MST1: variants seen among roughly 807,000 people sequenced by gnomAD.
MST1 encodes the protein macrophage stimulating 1.
A neutral mutation model predicts 100.1 loss-of-function variants in MST1; 76 were observed. The ratio of observed to expected loss-of-function variants is 0.76; its 90% CI spans 0.63 to 0.92. The LOEUF (loss-of-function observed/expected upper bound fraction) is 0.92, where lower values mean the gene tolerates loss of function less well. Among genes scored for constraint, MST1 ranks in the 40% least tolerant of loss-of-function variants. The pLI, the probability that MST1 is intolerant of heterozygous loss-of-function variation, is 0.00. For missense variants in MST1, 850 were observed against 990.0 expected, an observed-to-expected ratio of 0.86 and a Z score of 1.90; for synonymous variants, 352 against 385.4, an observed-to-expected ratio of 0.91 and a Z score of 1.01.
intron 7 of MST1, 75 bp from the exon 8 acceptor site, chr3:49,686,556 T>A: frequency 6.3e-7 from 1 of 1,583,362 alleles, no homozygotes; most frequent in Non-Finnish European, 8.6e-7. Flanking sequence ...AACCCGCCTT[T>A]CCCAGGTGTA....
At position 49,685,971 on chromosome 3, in the gene MST1, G is replaced by A; in HGVS notation, c.1148-9C>T. 1.2e-6 allele frequency: 2 copies of A among 1,605,974 alleles called. No individual in the cohort carries two copies. The highest frequency in any genetic ancestry group is 2.1e-4 in the Middle Eastern group (1 of 4,748). On this transcript the variant is annotated splice_polypyrimidine_tract_variant and intron_variant, in intron 9 of 17. Coordinates refer to ENST00000449682, the MANE Select transcript of MST1 (RefSeq NM_020998.4). The stretch of plus-strand genomic sequence containing the variant: ...TGCGCCGTGGTAGCAGTCTGTGGCG[G>A]GTGCGGGCAGCCATCAGGCCGAGAC...
At position 49,684,470 on chromosome 3, in the gene MST1, G is replaced by A. The variant is rs776285969; in HGVS notation, c.1877-17C>T. On this transcript the variant is annotated splice_polypyrimidine_tract_variant and intron_variant, in intron 16 of 17. Coordinates refer to ENST00000449682, the MANE Select transcript of MST1 (RefSeq NM_020998.4). ...TACCCGTACCTGCAGTGAGGGGAATGGGGAGAGGGAGAGGGTCCTGCAGGA... is the reference window on the plus strand; with the variant it reads ...TACCCGTACCTGCAGTGAGGGGAATAGGGAGAGGGAGAGGGTCCTGCAGGA... 3.1e-6 allele frequency: 5 copies of A among 1,613,524 alleles called. No individual in the cohort carries two copies. The African/African-American group carries it at 4.0e-5, about 13-fold the overall frequency.
intron 4 of MST1, 23 bp downstream of exon 4, chr3:49,687,341 C>T (rs372846960): frequency 3.9e-5 from 63 of 1,613,288 alleles, no homozygotes; most frequent in Non-Finnish European, 4.7e-5. Flanking sequence ...CAGGCCGGGA[C>T]GGAGGGAAGG....
rs2054030499 is a variant in MST1 at position 49,688,886 on chromosome 3, T to G, written c.-195A>C. 1 of 479,038 alleles carries G rather than the reference T, an allele frequency of 2.1e-6. No homozygotes were observed. The highest frequency in any genetic ancestry group is 3.8e-6 in the Non-Finnish European group (1 of 262,830). 29.7% of individuals were successfully genotyped at this position (479,038 alleles called of 1,614,324 possible). A position where few individuals can be genotyped will look rare whatever the true frequency, so the allele number is the denominator to read the frequency against. On this transcript the variant is annotated 5_prime_UTR_variant, in exon 1 of 18. Coordinates refer to ENST00000449682, the MANE Select transcript of MST1 (RefSeq NM_020998.4). ...GTTAGGAAGGTTTGGTGGGGACACT[T>G]GAGGTGCCCTGGGGTTGGGGTGAAA...
chr3:49,687,362 A>T lies in MST1; in HGVS notation c.470+2T>A, dbSNP rs769706318. 39 of 1,613,286 alleles carry T rather than the reference A, an allele frequency of 2.4e-5. No individual in the cohort carries two copies. The Admixed American group carries it at 6.5e-4, about 27-fold the overall frequency. ...GGGACGGAGGGAAGGTGTTTGTCTC[A>T]CTTGTGATCATTTGGGAACTTGTGG... On this transcript the variant is annotated splice_donor_variant, in intron 4 of 17. Transcript: ENST00000449682. LOFTEE classifies it high-confidence loss of function.
In MST1 at chr3:49,687,393, A is replaced by C. The variant is rs775231671; in HGVS notation, c.441T>G (p.Ala147=). 2.5e-6 allele frequency: 4 copies of C among 1,613,564 alleles called. No individual in the cohort carries two copies. In the Admixed American group the frequency reaches 6.7e-5, roughly 27 times the overall value. Reference sequence around the variant, plus strand: ...GATCATTTGGGAACTTGTGGCTCCAAGCCTGGCAGGGCAGGCCACCCACGG... The same window carrying C: ...GATCATTTGGGAACTTGTGGCTCCACGCCTGGCAGGGCAGGCCACCCACGG... ...ATTVGGLPCQ[A]WSHKFPNDHK... The change falls in exon 4 of 18, where the codon GCT becomes GCG. Residue 147 remains alanine, a synonymous_variant. Transcript: ENST00000449682.
Position 49,687,006 on chromosome 3 carries a change from C to G in MST1, c.669G>C (p.Gly223=). 1 of 1,611,356 alleles carries G rather than the reference C, an allele frequency of 6.2e-7. No individual in the cohort carries two copies. Among genetic ancestry groups the G allele is most frequent in the South Asian group, 1.1e-5 (1 of 91,020 alleles). The change falls in exon 6 of 18, where the codon GGG becomes GGC. Residue 223 remains glycine (G), a synonymous_variant. Transcript: ENST00000449682. ...GAAGATCCCAGCGCTGGCACTCGCG[C>G]CCTGACTCCGTGCGGTCTACCGCGC... ...YRGAVDRTES[G]RECQRWDLQH... is the part of the protein sequence containing the mutation.
Position 49,686,179 on chromosome 3 carries a change from T to A in MST1, c.1030A>T (p.Asn344Tyr), listed in dbSNP as rs1438454293. The A allele has an allele frequency of 6.2e-7, 1 of 1,610,798 alleles. No homozygotes were observed. The highest frequency in any genetic ancestry group is 2.2e-5 in the East Asian group (1 of 44,818). ...EKYACKDLRE[N>Y]FCRNPDGSEA... is the part of the protein sequence containing the mutation. ...GAGCCGTCGGGGTTCCGGCAGAAGT[T>A]CTCCCGAAGGTCTCTAAGCAGGCGC... Residue 344 changes from asparagine (N) to tyrosine (Y), a missense_variant, in exon 9 of 18, where the codon AAC becomes TAC. Around this residue, in one of 2 missense-constraint regions of MST1, gnomAD observed 816 missense variants for 924.6 expected, o/e 0.88. Coordinates refer to ENST00000449682, the MANE Select transcript of MST1 (RefSeq NM_020998.4).
chr3:49,684,686 T>C, intron 15 of MST1, 30 bp from the exon 16 acceptor site: 1 of 1,613,308 alleles, frequency 6.2e-7, no homozygotes, highest in Non-Finnish European at 8.5e-7. Flanking sequence ...ACTCAGGGTC[T>C]GAGGCCACAA....
At position 49,685,643 on chromosome 3, in the gene MST1, G is replaced by C. The variant is rs1223154186; in HGVS notation, c.1340C>G (p.Thr447Arg). ...DGDSHGPWCY[T>R]MDPRTPFDYC... ...GTCGAATGGGGTCCTTGGGTCCATC[G>C]TGTAGCACCAGGGCCCATGGCTATC... The change falls in exon 11 of 18, where the codon ACG becomes AGG. Residue 447 changes from threonine (T) to arginine (R), a missense_variant. Thr to Arg is a moderately conservative substitution (Grantham distance 71). Coordinates refer to ENST00000449682, the MANE Select transcript of MST1 (RefSeq NM_020998.4). The C allele has an allele frequency of 1.2e-6, 2 of 1,613,440 alleles. No homozygotes were observed. The highest frequency in any genetic ancestry group is 1.7e-6 in the Non-Finnish European group (2 of 1,179,854).
Position 49,684,001 on chromosome 3 carries a change from C to T in MST1, c.*27G>A. 6.2e-7 allele frequency: 1 copy of T among 1,607,934 alleles called. No homozygotes were observed. Among genetic ancestry groups the T allele is most frequent in the South Asian group, 1.1e-5 (1 of 90,440 alleles). On this transcript the variant is annotated 3_prime_UTR_variant, in exon 18 of 18. Coordinates refer to ENST00000449682, the MANE Select transcript of MST1 (RefSeq NM_020998.4). ...TGTCTGACAAGAAGTTTTGTCCTCC[C>T]CAAGGCATATGGCATCAAGGCTGGG...
rs375330458 is a variant in MST1 at position 49,688,581 on chromosome 3, G to C, written c.94+17C>G. On this transcript the variant is annotated intron_variant, in intron 1 of 17. Transcript: ENST00000449682. ...CCCTCCTGAAGGCAGATGGGGATCA[G>C]GGTTGGGGGCACTTACCAGGGACCC... The C allele has an allele frequency of 2.3e-4, 372 of 1,611,758 alleles. No individual in the cohort carries two copies. The African/African-American group carries it at 4.0e-3, about 17-fold the overall frequency.
rs1559649408 is a variant in MST1 at position 49,685,509 on chromosome 3, G to A, written c.1388-3C>T. 1.2e-6 allele frequency: 2 copies of A among 1,613,548 alleles called. No individual in the cohort carries two copies. Among genetic ancestry groups the A allele is most frequent in the Admixed American group, 1.7e-5 (1 of 60,010 alleles). On this transcript the variant is annotated splice_polypyrimidine_tract_variant and splice_region_variant and intron_variant, in intron 11 of 17. Transcript: ENST00000449682. ...GATTGATGGCGGCTGGTCATCAGCT[G>A]AAAGACAAAGTTCACTGGGGTTAAG...
rs1261413014 is a variant in MST1 at position 49,684,362 on chromosome 3, C to T, written c.1968G>A (p.Glu656=). Residue 656 remains glutamate (E), a synonymous_variant, in exon 17 of 18, where the codon GAG becomes GAA. Coordinates refer to ENST00000449682, the MANE Select transcript of MST1 (RefSeq NM_020998.4). ...CNIKHRGRVR[E]SEMCTEGLLA... is the part of the protein sequence containing the mutation. ...ACAGTCCCTCAGTGCACATCTCACT[C>T]TCCCGCACACGTCCTCGGTGCTTGA... is the stretch of plus-strand genomic sequence containing the variant. 4 of 1,613,178 alleles carry T rather than the reference C, an allele frequency of 2.5e-6. No homozygotes were observed. The highest frequency in any genetic ancestry group is 2.7e-5 in the African/African-American group (2 of 74,934).
Position 49,685,793 on chromosome 3 carries a change from C to A in MST1, c.1251-61G>T, listed in dbSNP as rs1299820708. On this transcript the variant is annotated intron_variant, in intron 10 of 17. Coordinates refer to ENST00000449682, the MANE Select transcript of MST1 (RefSeq NM_020998.4). ...GTCTCAACCATTTCCAGGCTCTGGT[C>A]CCAGACACCAAAGCATGCCGCCCCA... The A allele has an allele frequency of 1.2e-5, 19 of 1,612,614 alleles. No homozygotes were observed. In the African/African-American group the frequency reaches 2.0e-4, roughly 17 times the overall value.
At chr3:49,686,289 G>GCTCCCCCCCCCCCC in intron 8 of MST1, 24 bp downstream of exon 8, 1 of 1,235,666 alleles carries the variant, frequency 8.1e-7, no homozygotes, top group South Asian at 1.4e-5. Flanking sequence ...ACGTCCCAAC[G>GCTCCCCCCCCCCCC]CCCGCCCCCC....
At chr3:49,685,789 T>TGGTCCCAGACACC in intron 10 of MST1, 57 bp from the exon 11 acceptor site, 1 of 1,612,778 alleles carries the variant, frequency 6.2e-7, no homozygotes, top group South Asian at 1.1e-5. Context: ...TTCCAGGCTC[T>TGGTCCCAGACACC]GGTCCCAGAC....
chr3:49,685,323 T>C lies in MST1; in HGVS notation c.1483A>G (p.Lys495Glu), dbSNP rs1202165944. The change falls in exon 13 of 18, where the codon AAG becomes GAG. Residue 495 changes from lysine to glutamate, a missense_variant. By Grantham distance (56) the Lys-to-Glu change is moderately conservative. Coordinates refer to ENST00000449682, the MANE Select transcript of MST1 (RefSeq NM_020998.4). ...RVDRLDQRRSKLRVVGGHPGN... is the reference protein window; with the variant it reads ...RVDRLDQRRSELRVVGGHPGN... Reference sequence around the variant, plus strand: ...GGATGGCCCCCAACCACGCGCAGCTTGGAACGCCGCTGATCCAGCCGATCC... The same window carrying C: ...GGATGGCCCCCAACCACGCGCAGCTCGGAACGCCGCTGATCCAGCCGATCC... 6.2e-7 allele frequency: 1 copy of C among 1,613,350 alleles called. No individual in the cohort carries two copies. Among genetic ancestry groups the C allele is most frequent in the Non-Finnish European group, 8.5e-7 (1 of 1,179,850 alleles).
rs758487251 is a variant in MST1 at position 49,686,048 on chromosome 3, A to G, written c.1147+14T>C. ...TTCCAGCCCGGCTCTGTAGCCCCCAAGCTTGGGCCTCACCCTGGGGCCGCA... is the reference window on the plus strand; with the variant it reads ...TTCCAGCCCGGCTCTGTAGCCCCCAGGCTTGGGCCTCACCCTGGGGCCGCA... On this transcript the variant is annotated intron_variant, in intron 9 of 17. Coordinates refer to ENST00000449682, the MANE Select transcript of MST1 (RefSeq NM_020998.4). 1.9e-6 allele frequency: 3 copies of G among 1,608,416 alleles called. No homozygotes were observed. The highest frequency in any genetic ancestry group is 3.3e-5 in the Admixed American group (2 of 59,816).
Sources: allele counts gnomAD v4.1 joint callset, GRCh38; gene constraint gnomAD v4.1.1; regional missense constraint gnomAD v4.1.1; transcripts MANE v1.5; gene names NCBI Gene and HGNC (gene_info 2026-07-23, HGNC 2026-07-21).